The following ASIC2 variants were observed in gnomAD, a reference collection of about 807,000 sequenced individuals.
ASIC2 encodes acid sensing ion channel subunit 2, also known as acid-sensing ion channel 2.
Under a neutral mutation model 57.3 loss-of-function variants are expected in ASIC2, and 25 were observed. The ratio of observed to expected loss-of-function variants is 0.44; its 90% CI spans 0.32 to 0.61. ASIC2 has a LOEUF of 0.61. Ranked by LOEUF, ASIC2 falls within the 20% of genes least tolerant of loss-of-function variation. The pLI is 0.06. For missense variants in ASIC2, 641 were observed against 738.1 expected (o/e 0.87, Z 1.52); for synonymous variants, 319 against 307.5 (o/e 1.04, Z -0.39).
At chr17:33,333,861 T>C (rs938608227) in intron 1 of ASIC2, among the ~76,000 whole-genome samples, 15 of 152,204 alleles carry the variant, frequency 9.9e-5, no homozygotes, top group Admixed American at 8.5e-4. Flanking sequence ...TGCACACTGA[T>C]ACATCATTTC....
intron 1 of ASIC2, among the ~76,000 whole-genome samples, chr17:33,540,534 G>T (rs753108398): frequency 6.6e-5 from 10 of 152,104 alleles, no homozygotes; most frequent in African/African-American, 1.2e-4. Context: ...CTTAGGGAGG[G>T]TTCATCAGCC....
rs1237053623 is a variant in ASIC2, at chr17:33,899,128, A to AG, written c.555+256849dup. Reference sequence around the variant, plus strand: ...GGGCGACAGAGCGAGACTCCATCTCAGGAAAAAAAAAAAAAAGCTCTAAAG... The same window carrying AG: ...GGGCGACAGAGCGAGACTCCATCTCAGGGAAAAAAAAAAAAAAGCTCTAAAG... On this transcript the variant is annotated intron_variant, in intron 1 of 9. Coordinates refer to the ASIC2 transcript ENST00000359872. 1.2e-4 allele frequency among the ~76,000 whole-genome samples: 10 copies of AG among 80,104 alleles called. No individual in the cohort carries two copies. In the South Asian group the frequency reaches 1.8e-3, roughly 14 times the overall value. The allele number at this position is 80,104 out of a possible 152,430, so 52.6% of individuals were successfully genotyped here. A position where few individuals can be genotyped will look rare whatever the true frequency, so the allele number is the denominator to read the frequency against.
At chr17:33,189,960 T>TCAAGG (rs1555579036) in intron 1 of ASIC2, among the ~76,000 whole-genome samples, 1 of 152,270 alleles carries the variant, frequency 6.6e-6, no homozygotes, top group African/African-American at 2.4e-5. Context: ...TCCCCTACGA[T>TCAAGG]CAAGGCAAGG....
chr17:33,406,789 C>T (rs961807451), intron 1 of ASIC2, among the ~76,000 whole-genome samples: 6 of 152,246 alleles, frequency 3.9e-5, no homozygotes, highest in Admixed American at 3.3e-4. Flanking sequence ...ATTCCTACCC[C>T]TAAAGAGTTT....
At chr17:33,510,080 G>A (rs998548571) in intron 1 of ASIC2, among the ~76,000 whole-genome samples, 1 of 152,202 alleles carries the variant, frequency 6.6e-6, no homozygotes, top group Non-Finnish European at 1.5e-5. Context: ...GCATCTATCT[G>A]CATGTGAGTC....
intron 1 of ASIC2, among the ~76,000 whole-genome samples, chr17:33,643,157 C>A (rs868838515): frequency 8.5e-4 from 125 of 146,432 alleles, no homozygotes; most frequent in Non-Finnish European, 1.6e-3. Flanking sequence ...TCCCCCCCCC[C>A]ACATTTGAAC....
At chr17:33,163,970 G>T (rs1905233646) in intron 1 of ASIC2, among the ~76,000 whole-genome samples, 1 of 152,208 alleles carries the variant, frequency 6.6e-6, no homozygotes, top group Admixed American at 6.5e-5. Context: ...TTCACTGCAG[G>T]GACAACTACT....
chr17:33,170,566 T>A (rs918532857), intron 1 of ASIC2, among the ~76,000 whole-genome samples: 3 of 152,208 alleles, frequency 2.0e-5, no homozygotes, highest in Non-Finnish European at 4.4e-5. Flanking sequence ...CCCTTTCATG[T>A]AGGCTTCACT....
rs116413834 is a variant in ASIC2, at chr17:33,666,660, C to T, written c.555+489318G>A. 4.9e-3 allele frequency among the ~76,000 whole-genome samples: 750 copies of T among 152,272 alleles called. 8 individuals are homozygous for T. Among genetic ancestry groups the T allele is most frequent in the African/African-American group, 0.017 (696 of 41,546 alleles). On this transcript the variant is annotated intron_variant, in intron 1 of 9. Coordinates refer to the ASIC2 transcript ENST00000359872. ...CCTTGTCTGTCCCAGTCCACCTCCT[C>T]CACCCACCTTATGCTGTCACCCCCT...
chr17:33,460,745 T>C (rs1208946453), intron 1 of ASIC2, among the ~76,000 whole-genome samples: 1 of 152,224 alleles, frequency 6.6e-6, no homozygotes, highest in African/African-American at 2.4e-5. Context: ...AGGTGCATAC[T>C]GTTATAAATC....
intron 1 of ASIC2, among the ~76,000 whole-genome samples, chr17:34,133,905 G>A (rs554504156): frequency 1.3e-5 from 2 of 152,308 alleles, no homozygotes; most frequent in African/African-American, 4.8e-5. Context: ...CAGGGATACT[G>A]CTAAGCATAG....
intron 1 of ASIC2, chr17:33,569,267 A>T (rs1446107781): frequency 6.6e-6 from 1 of 152,330 alleles, no homozygotes; most frequent in South Asian, 2.1e-4. Flanking sequence ...CAAGGCATGT[A>T]GAATGGTGAC....
intron 1 of ASIC2, among the ~76,000 whole-genome samples, chr17:33,289,210 G>A (rs1905316714): frequency 6.6e-6 from 1 of 152,202 alleles, no homozygotes; most frequent in African/African-American, 2.4e-5. Context: ...CTTTTGCTTG[G>A]ATGTGTGTGT....
chr17:34,079,314 G>C (rs1363253028), intron 1 of ASIC2, among the ~76,000 whole-genome samples: 1 of 152,106 alleles, frequency 6.6e-6, no homozygotes, highest in Non-Finnish European at 1.5e-5. Context: ...TTTCATCTCA[G>C]TCATACTAAT....
chr17:33,970,931 C>T (rs952190367), intron 1 of ASIC2, among the ~76,000 whole-genome samples: 2 of 152,144 alleles, frequency 1.3e-5, no homozygotes, highest in Non-Finnish European at 2.9e-5. Context: ...ATTCATCGCC[C>T]TTCAGTCCTG....
chr17:33,573,805 A>T (rs1305093970), intron 1 of ASIC2, among the ~76,000 whole-genome samples: 2 of 152,184 alleles, frequency 1.3e-5, no homozygotes, highest in Admixed American at 1.3e-4. Context: ...ACCTCCGGTG[A>T]TCCACCCGCC....
At chr17:33,514,222 G>T (rs1422039751) in intron 1 of ASIC2, among the ~76,000 whole-genome samples, 1 of 152,132 alleles carries the variant, frequency 6.6e-6, no homozygotes, top group East Asian at 1.9e-4. Flanking sequence ...TCCTGACTCA[G>T]AATTTTCAGA....
At chr17:33,172,658 G>A (rs1015282711) in intron 1 of ASIC2, among the ~76,000 whole-genome samples, 5 of 152,192 alleles carry the variant, frequency 3.3e-5, no homozygotes, top group East Asian at 3.8e-4. Flanking sequence ...CAGAGTTCAC[G>A]AGAACTTCTC....
chr17:33,273,837 G>A (rs1904602342), intron 1 of ASIC2, among the ~76,000 whole-genome samples: 1 of 151,976 alleles, frequency 6.6e-6, no homozygotes, highest in Non-Finnish European at 1.5e-5. Context: ...GCAGGAAGAA[G>A]AAAGACTAAA....
Sources: allele counts gnomAD v4.1 joint callset (sites outside exome capture counted in the v4.1 genomes callset), GRCh38; gene constraint gnomAD v4.1.1; transcripts MANE v1.5; gene names NCBI Gene and HGNC (gene_info 2026-07-23, HGNC 2026-07-21).